Variants in SH3GL2 observed in about 807,000 individuals in gnomAD.
SH3GL2 encodes the protein SH3 domain containing GRB2 like 2, endophilin A1.
In SH3GL2, 24 loss-of-function variants were observed where a neutral mutation model predicts 46.0. The observed-to-expected ratio is 0.52, with a 90% CI of 0.38 to 0.73. The LOEUF is 0.73. Among genes scored for constraint, SH3GL2 ranks in the 30% least tolerant of loss-of-function variants. The pLI is 0.00. For missense variants in SH3GL2, 413 were observed against 424.2 expected, an observed-to-expected ratio of 0.97 and a Z score of 0.23; for synonymous variants, 196 against 147.1, an observed-to-expected ratio of 1.33 and a Z score of -2.40.
intron 1 of SH3GL2, among the ~76,000 whole-genome samples, chr9:17,653,516 TCTG>T (rs1285560442): frequency 6.6e-6 from 1 of 152,204 alleles, no homozygotes; most frequent in Non-Finnish European, 1.5e-5. Context: ...TGATGGTGCT[TCTG>T]CTCCTCATTT....
rs115937587 is a variant in SH3GL2 at position 17,762,149 on chromosome 9, C to T, written c.187+640C>T. ...GCAAAGCAAAGCAAAGCAAAGCAGCCTACCTGATAGACCTCCTCATTACCA... is the reference window on the plus strand; with the variant it reads ...GCAAAGCAAAGCAAAGCAAAGCAGCTTACCTGATAGACCTCCTCATTACCA... On this transcript the variant is annotated intron_variant, in intron 3 of 8. Transcript: ENST00000380607. Among the ~76,000 whole-genome samples the T allele has an allele frequency of 1.3e-3, 199 of 152,206 alleles. 2 individuals carry two copies. Among genetic ancestry groups the T allele is most frequent in the African/African-American group, 4.6e-3 (190 of 41,502 alleles).
At chr9:17,670,646 C>T (rs535339729) in intron 1 of SH3GL2, among the ~76,000 whole-genome samples, 1 of 152,186 alleles carries the variant, frequency 6.6e-6, no homozygotes, top group Non-Finnish European at 1.5e-5. Context: ...CCAACTTTAG[C>T]TCTTGACTAT....
intron 1 of SH3GL2, among the ~76,000 whole-genome samples, chr9:17,638,877 T>G (rs987843090): frequency 2.5e-4 from 38 of 152,306 alleles, no homozygotes; most frequent in Non-Finnish European, 5.0e-4. Context: ...ATTTCCCTGG[T>G]TCTGGAACTT....
At chr9:17,765,675 G>A (rs113190330) in intron 3 of SH3GL2, among the ~76,000 whole-genome samples, 13 of 152,252 alleles carry the variant, frequency 8.5e-5, no homozygotes, top group African/African-American at 2.6e-4. Context: ...CGGGTCCAGC[G>A]TAAAGGTCAC....
At chr9:17,598,548 C>T (rs1818614927) in intron 1 of SH3GL2, among the ~76,000 whole-genome samples, 1 of 152,184 alleles carries the variant, frequency 6.6e-6, no homozygotes, top group African/African-American at 2.4e-5. Context: ...TGAGCCCACC[C>T]CCCGACCTGC....
chr9:17,752,219 T>G (rs1313333683), intron 2 of SH3GL2, among the ~76,000 whole-genome samples: 1 of 152,164 alleles, frequency 6.6e-6, no homozygotes, highest in Non-Finnish European at 1.5e-5. Flanking sequence ...TGGACCTGCC[T>G]GTATCTCGCT....
intron 1 of SH3GL2, among the ~76,000 whole-genome samples, chr9:17,642,574 C>T (rs200495522): frequency 3.3e-5 from 5 of 152,002 alleles, no homozygotes; most frequent in Non-Finnish European, 5.9e-5. Flanking sequence ...TGCATATGGC[C>T]AGCCAGTTTT....
chr9:17,743,601 C>CACACACACACACACACA (rs1554645790), intron 1 of SH3GL2, among the ~76,000 whole-genome samples: 8 of 145,732 alleles, frequency 5.5e-5, no homozygotes, highest in East Asian at 2.0e-4. Context: ...CACACACACA[C>CACACACACACACACACA]CCCAAATAGT....
At chr9:17,626,107 A>G (rs1272700546) in intron 1 of SH3GL2, among the ~76,000 whole-genome samples, 2 of 152,158 alleles carry the variant, frequency 1.3e-5, no homozygotes, top group Non-Finnish European at 2.9e-5. Flanking sequence ...TGGTTCCCAG[A>G]GGGAGGCTCT....
intron 7 of SH3GL2, among the ~76,000 whole-genome samples, chr9:17,792,095 A>G (rs749893565): frequency 6.6e-6 from 1 of 152,214 alleles, no homozygotes; most frequent in Non-Finnish European, 1.5e-5. Context: ...CTTAGGCCAC[A>G]TGGCCAGATT....
intron 1 of SH3GL2, among the ~76,000 whole-genome samples, chr9:17,606,323 C>G (rs1353427303): frequency 6.6e-6 from 1 of 152,128 alleles, no homozygotes; most frequent in African/African-American, 2.4e-5. Flanking sequence ...GAACTCCTGA[C>G]CTCATGATCC....
chr9:17,733,584 T>G (rs2118433458), intron 1 of SH3GL2, among the ~76,000 whole-genome samples: 1 of 150,592 alleles, frequency 6.6e-6, no homozygotes, highest in Non-Finnish European at 1.5e-5. Flanking sequence ...GATCTAGAAC[T>G]AGAAATACCA....
intron 1 of SH3GL2, among the ~76,000 whole-genome samples, chr9:17,690,939 C>G (rs896618568): frequency 4.6e-5 from 7 of 152,146 alleles, no homozygotes; most frequent in African/African-American, 1.4e-4. Context: ...TGGAAGTAAA[C>G]AGACTTCTGC....
Position 17,793,382 on chromosome 9 carries a change from A to C in SH3GL2, c.744A>C (p.Ser248=). ...TTTACTGCAGAATAAGACAGGCTTC[A>C]TCTCAGCCTAGAAGGGAATATCAAC... The part of the protein sequence containing the change: ...VRLEERIRQA[S]SQPRREYQPK... Residue 248 remains serine, a synonymous_variant, in exon 8 of 9, where the codon TCA becomes TCC. Coordinates refer to ENST00000380607, the MANE Select transcript of SH3GL2 (RefSeq NM_003026.5). 6.2e-7 allele frequency: 1 copy of C among 1,612,276 alleles called. No homozygotes were observed. The highest frequency in any genetic ancestry group is 8.5e-7 in the Non-Finnish European group (1 of 1,179,052).
chr9:17,744,245 A>G (rs554752345), intron 1 of SH3GL2, among the ~76,000 whole-genome samples: 2 of 152,328 alleles, frequency 1.3e-5, no homozygotes, highest in East Asian at 3.9e-4. Flanking sequence ...GAGATAGGGA[A>G]TCAGTGTGAC....
intron 1 of SH3GL2, among the ~76,000 whole-genome samples, chr9:17,626,217 T>A (rs1411850642): frequency 6.6e-6 from 1 of 152,198 alleles, no homozygotes; most frequent in East Asian, 1.9e-4. Flanking sequence ...CACCTGCTTC[T>A]TTTATTGCCT....
chr9:17,623,048 T>TTTCCC (rs1819190311), intron 1 of SH3GL2, among the ~76,000 whole-genome samples: 1 of 123,976 alleles, frequency 8.1e-6, no homozygotes, highest in Non-Finnish European at 1.7e-5. Flanking sequence ...TTCCTTCCCC[T>TTTCCC]TCCCCTTCCC....
At chr9:17,742,462 AG>A (rs1268218822) in intron 1 of SH3GL2, among the ~76,000 whole-genome samples, 5 of 152,224 alleles carry the variant, frequency 3.3e-5, no homozygotes, top group African/African-American at 1.2e-4. Flanking sequence ...CTTAAAATTA[AG>A]ACTTTTAATT....
chr9:17,703,689 C>G (rs1285931235), intron 1 of SH3GL2, among the ~76,000 whole-genome samples: 1 of 151,978 alleles, frequency 6.6e-6, no homozygotes, highest in Non-Finnish European at 1.5e-5. Context: ...ATACACAGAA[C>G]TAAAGACAAA....
Sources: allele counts gnomAD v4.1 joint callset (sites outside exome capture counted in the v4.1 genomes callset), GRCh38; gene constraint gnomAD v4.1.1; transcripts MANE v1.5; gene names NCBI Gene and HGNC (gene_info 2026-07-23, HGNC 2026-07-21).